STAT4: variants seen among roughly 807,000 people sequenced by gnomAD.
STAT4 encodes the protein signal transducer and activator of transcription 4.
Under a neutral mutation model 110.5 loss-of-function variants are expected in STAT4, and 42 were observed. The observed-to-expected ratio is 0.38, with a 90% CI of 0.30 to 0.49. The LOEUF is 0.49. Ranked by LOEUF, STAT4 falls within the 20% of genes least tolerant of loss-of-function variation. The pLI, the probability that STAT4 is intolerant of heterozygous loss-of-function variation, is 0.95. For synonymous variants in STAT4, 284 were observed against 302.2 expected (o/e 0.94, Z 0.63); for missense variants, 632 against 887.9 (o/e 0.71, Z 3.66).
intron 8 of STAT4, among the ~76,000 whole-genome samples, chr2:191,064,072 A>G (rs1696919413): frequency 6.6e-6 from 1 of 152,250 alleles, no homozygotes. Context: ...AAAGGATAGT[A>G]TCTACATTTC....
In STAT4 at chr2:191,137,545, G is replaced by A. The variant is rs546333970; in HGVS notation, c.273+9068C>T. ...AAAAAAATTTGTATGGTACCAAAAA[G>A]AGCCTGAAGAGCCAAAGCAATCTGA... On this transcript the variant is annotated intron_variant, in intron 3 of 23. Transcript: ENST00000392320. Among the ~76,000 whole-genome samples, 156 of 152,194 alleles carry A rather than the reference G, an allele frequency of 1.0e-3. 3 individuals carry two copies. Among genetic ancestry groups the A allele is most frequent in the Non-Finnish European group, 6.6e-4 (45 of 68,002 alleles).
intron 3 of STAT4, among the ~76,000 whole-genome samples, chr2:191,115,064 C>G (rs966133106): frequency 6.6e-6 from 1 of 151,896 alleles, no homozygotes; most frequent in African/African-American, 2.4e-5. Context: ...AAGTGTGTTA[C>G]TTTTATAAAC....
At position 191,048,186 on chromosome 2, in the gene STAT4, T is replaced by C. The variant is rs74735814; in HGVS notation, c.1251+6304A>G. Among the ~76,000 whole-genome samples the C allele has an allele frequency of 1.1e-3, 161 of 152,252 alleles. 5 individuals are homozygous for C. In the East Asian group the frequency reaches 0.027, roughly 25 times the overall value. On this transcript the variant is annotated intron_variant, in intron 14 of 23. Transcript: ENST00000392320. ...TATAATACTTTACTGAACTGAAATG[T>C]GGGTGGTGAGAGGGTGATTATTTTC...
intron 5 of STAT4, among the ~76,000 whole-genome samples, chr2:191,072,739 TGA>T (rs1478900108): frequency 1.3e-5 from 2 of 152,170 alleles, no homozygotes; most frequent in African/African-American, 4.8e-5. Context: ...ATGAGAGATG[TGA>T]TGTTACTACG....
chr2:191,074,121 G>A (rs1050124059), intron 4 of STAT4, among the ~76,000 whole-genome samples: 1 of 152,144 alleles, frequency 6.6e-6, no homozygotes, highest in African/African-American at 2.4e-5. Flanking sequence ...AAAAATGTTA[G>A]CCTGGTTAAG....
intron 3 of STAT4, among the ~76,000 whole-genome samples, chr2:191,114,542 C>A (rs1220513865): frequency 6.6e-6 from 1 of 152,172 alleles, no homozygotes; most frequent in African/African-American, 2.4e-5. Flanking sequence ...TCACAACTCT[C>A]AGTTGCATAA....
Position 191,061,611 on chromosome 2 carries a change from A to G in STAT4, c.1034+118T>C. 3 of 942,172 alleles carry G rather than the reference A, an allele frequency of 3.2e-6. No individual in the cohort carries two copies. The highest frequency in any genetic ancestry group is 5.2e-6 in the Non-Finnish European group (3 of 578,668). 58.4% of individuals were successfully genotyped at this position (942,172 alleles called of 1,614,324 possible). A position where few individuals can be genotyped will look rare whatever the true frequency, so the allele number is the denominator to read the frequency against. On this transcript the variant is annotated intron_variant, in intron 10 of 23. Transcript: ENST00000392320. The surrounding 1 kb of genome is among the most constrained non-coding windows in gnomAD (Gnocchi z 6.2). ...TCCCCAAGCTCAGAGCTGGGCACAC[A>G]GCAGATGGTTCAATAAAGAACAGCT...
In STAT4 at chr2:191,128,015, C is replaced by T. The variant is rs116718599; in HGVS notation, c.273+18598G>A. Among the ~76,000 whole-genome samples the T allele has an allele frequency of 6.2e-3, 943 of 152,304 alleles. 12 individuals are homozygous for T. The highest frequency in any genetic ancestry group is 0.022 in the African/African-American group (896 of 41,570). On this transcript the variant is annotated intron_variant, in intron 3 of 23. Coordinates refer to ENST00000392320, the MANE Select transcript of STAT4 (RefSeq NM_003151.4). ...CGATATGCACAAATTGTGATGCACA[C>T]CATCCACCTTCTGTTGATGATCCCA...
In STAT4 at chr2:191,061,610, C is replaced by A; in HGVS notation, c.1034+119G>T. ...TTCCCCAAGCTCAGAGCTGGGCACA[C>A]AGCAGATGGTTCAATAAAGAACAGC... On this transcript the variant is annotated intron_variant, in intron 10 of 23. Transcript: ENST00000392320. The surrounding 1 kb of genome is among the most constrained non-coding windows in gnomAD (Gnocchi z 6.2). 1.1e-6 allele frequency: 1 copy of A among 938,198 alleles called. No homozygotes were observed. Among genetic ancestry groups the A allele is most frequent in the Non-Finnish European group, 1.7e-6 (1 of 575,616 alleles). 58.1% of individuals were successfully genotyped at this position (938,198 alleles called of 1,614,324 possible). A position where few individuals can be genotyped will look rare whatever the true frequency, so the allele number is the denominator to read the frequency against.
Position 191,143,602 on chromosome 2 carries a change from C to T in STAT4, c.273+3011G>A, listed in dbSNP as rs1417943539. On this transcript the variant is annotated intron_variant, in intron 3 of 23. Transcript: ENST00000392320. The surrounding 1 kb of genome is among the most constrained non-coding windows in gnomAD (Gnocchi z 5.6). ...TAGGTGTAATATAAATAATAAAATA[C>T]TGAAACTAGAGATCTCAGCTGTTCT... 6.6e-6 allele frequency among the ~76,000 whole-genome samples: 1 copy of T among 152,124 alleles called. No individual in the cohort carries two copies. The highest frequency in any genetic ancestry group is 1.5e-5 in the Non-Finnish European group (1 of 68,028).
rs1166167023 is a variant in STAT4, at chr2:191,101,119, G to C, written c.274-24794C>G. Among the ~76,000 whole-genome samples, 8 of 152,210 alleles carry C rather than the reference G, an allele frequency of 5.3e-5. No individual in the cohort carries two copies. In the East Asian group the frequency reaches 1.5e-3, roughly 29 times the overall value. On this transcript the variant is annotated intron_variant, in intron 3 of 23. Transcript: ENST00000392320. ...ATAAGATCATAATCATTAAATAAAG[G>C]TCAATTATATTTTTCTCTGATTGCA...
At position 191,050,487 on chromosome 2, in the gene STAT4, C is replaced by T. The variant is rs1299290380; in HGVS notation, c.1251+4003G>A. On this transcript the variant is annotated intron_variant, in intron 14 of 23. Coordinates refer to ENST00000392320, the MANE Select transcript of STAT4 (RefSeq NM_003151.4). This position sits in a 1 kb window ranked among gnomAD's most constrained non-coding sequence, Gnocchi z 4.3. Reference sequence around the variant, plus strand: ...CAAAGCAAATTCTTAAAGTTAAATTCATTTTTAAAAATCTAAAGCTCCTAC... The same window carrying T: ...CAAAGCAAATTCTTAAAGTTAAATTTATTTTTAAAAATCTAAAGCTCCTAC... 2.0e-5 allele frequency among the ~76,000 whole-genome samples: 3 copies of T among 152,100 alleles called. No individual in the cohort carries two copies. In the East Asian group the frequency reaches 5.8e-4, roughly 29 times the overall value.
chr2:191,129,671 C>T (rs1698979245), intron 3 of STAT4, among the ~76,000 whole-genome samples: 2 of 152,166 alleles, frequency 1.3e-5, no homozygotes, highest in African/African-American at 2.4e-5. Context: ...CATTTAACCG[C>T]CAGAATGAGC....
At chr2:191,119,007 C>A (rs1213082829) in intron 3 of STAT4, among the ~76,000 whole-genome samples, 2 of 152,166 alleles carry the variant, frequency 1.3e-5, no homozygotes, top group African/African-American at 4.8e-5. Context: ...CTCAAGTAAT[C>A]CTCCTATCTT....
At chr2:191,096,096 A>G (rs1324179703) in intron 3 of STAT4, among the ~76,000 whole-genome samples, 2 of 152,200 alleles carry the variant, frequency 1.3e-5, no homozygotes, top group African/African-American at 4.8e-5. Context: ...GAATAGACCA[A>G]TAACAGGCTC....
In STAT4 at chr2:191,143,007, C is replaced by T. The variant is rs1014222652; in HGVS notation, c.273+3606G>A. Reference sequence around the variant, plus strand: ...TAATAATAATGTATCAATATTATTTCGTCAACTGTCACAAATGTATGCTAC... The same window carrying T: ...TAATAATAATGTATCAATATTATTTTGTCAACTGTCACAAATGTATGCTAC... On this transcript the variant is annotated intron_variant, in intron 3 of 23. Coordinates refer to ENST00000392320, the MANE Select transcript of STAT4 (RefSeq NM_003151.4). The surrounding 1 kb of genome is among the most constrained non-coding windows in gnomAD (Gnocchi z 5.6). Among the ~76,000 whole-genome samples the T allele has an allele frequency of 4.6e-5, 7 of 152,138 alleles. No individual in the cohort carries two copies. The Middle Eastern group carries it at 0.01, about 222-fold the overall frequency.
intron 3 of STAT4, among the ~76,000 whole-genome samples, chr2:191,119,753 T>C (rs1368452470): frequency 6.6e-6 from 1 of 152,172 alleles, no homozygotes; most frequent in Non-Finnish European, 1.5e-5. Flanking sequence ...TTCTAGACTT[T>C]TACTATCATA....
In STAT4 at chr2:191,144,439, A is replaced by G. The variant is rs2125454365; in HGVS notation, c.273+2174T>C. Among the ~76,000 whole-genome samples the G allele has an allele frequency of 6.6e-6, 1 of 152,226 alleles. No homozygotes were observed. The highest frequency in any genetic ancestry group is 2.1e-4 in the South Asian group (1 of 4,820). On this transcript the variant is annotated intron_variant, in intron 3 of 23. Coordinates refer to ENST00000392320, the MANE Select transcript of STAT4 (RefSeq NM_003151.4). The surrounding 1 kb of genome is among the most constrained non-coding windows in gnomAD (Gnocchi z 4.7). ...GCTGAGTCATTCAAGAGTGTGTGTG[A>G]CGTGTTCAGGAACAAGTAGTAGATC...
Position 191,032,048 on chromosome 2 carries a change from C to T in STAT4, c.2045-532G>A, listed in dbSNP as rs1375574901. 1 of 152,214 alleles carries T rather than the reference C, an allele frequency of 6.6e-6. No individual in the cohort carries two copies. Among genetic ancestry groups the T allele is most frequent in the Non-Finnish European group, 1.5e-5 (1 of 68,074 alleles). The allele number at this position is 152,214 out of a possible 1,614,324, so 9.4% of individuals were successfully genotyped here. On this transcript the variant is annotated intron_variant, in intron 21 of 23. Transcript: ENST00000392320. This position sits in a 1 kb window ranked among gnomAD's most constrained non-coding sequence, Gnocchi z 4.9. ...TACCATGTTGAACTAGTATTTGTTCCAATTTTCCAACCCTAATTTGTTGCA... is the reference window on the plus strand; with the variant it reads ...TACCATGTTGAACTAGTATTTGTTCTAATTTTCCAACCCTAATTTGTTGCA...
Sources: gnomAD v4.1 joint callset for allele counts (sites outside exome capture counted in the v4.1 genomes callset) on GRCh38, gnomAD v4.1.1 for gene constraint, Gnocchi (gnomAD v3.1) non-coding constraint, MANE v1.5 for transcripts, NCBI Gene and HGNC (gene_info 2026-07-23, HGNC 2026-07-21) for gene names.